The following ETV4 variants were observed in gnomAD, a reference collection of about 807,000 sequenced individuals.
ETV4 encodes the protein ETS variant transcription factor 4.
In ETV4, 42 loss-of-function variants were observed where a neutral mutation model predicts 65.9. The observed-to-expected ratio is 0.64, with a 90% CI of 0.50 to 0.82. The LOEUF is 0.82. Ranked by LOEUF, ETV4 falls within the 40% of genes least tolerant of loss-of-function variation. ETV4 has a pLI of 0.00. For missense variants in ETV4, 583 were observed against 630.3 expected (o/e 0.92, Z 0.80); for synonymous variants, 238 against 260.0 (o/e 0.92, Z 0.81).
chr17:43,528,755 GAGA>G lies in ETV4; in HGVS notation c.1231-15_1231-13del, dbSNP rs1188692374. ...CGCTCACCAGCCACCTATGGGGAGA[GAGA>G]AGGTCTGGTCAGCCTGGCTAGCCGC... On this transcript the variant is annotated splice_polypyrimidine_tract_variant and intron_variant, in intron 12 of 12. Transcript: ENST00000319349. 11 of 1,611,540 alleles carry G rather than the reference GAGA, an allele frequency of 6.8e-6. No homozygotes were observed. Among genetic ancestry groups the G allele is most frequent in the Non-Finnish European group, 9.3e-6 (11 of 1,178,008 alleles).
In ETV4 at chr17:43,539,503, TC is replaced by T. The variant is rs199707652; in HGVS notation, c.203-3025del. Among the ~76,000 whole-genome samples the T allele has an allele frequency of 2.5e-3, 381 of 152,330 alleles. 1 individual carries two copies. Among genetic ancestry groups the T allele is most frequent in the African/African-American group, 8.9e-3 (369 of 41,558 alleles). ...ACCTGTTTGTTATCTACCTATCTCC[TC>T]CACCAGGAAGTTAAGCTCTGTGAGG... On this transcript the variant is annotated intron_variant, in intron 4 of 12. Transcript: ENST00000319349.
Position 43,545,586 on chromosome 17 carries a change from T to C in ETV4, c.32A>G (p.Asp11Gly). ...GCTGAAGGTGTAGGGCACTTGCTGG[T>C]CCAAGTATCCGGCTTTCATCCTCCG... MERRMKAGYL[D>G]QQVPYTFSSK... The change falls in exon 2 of 13, where the codon GAC (aspartate) becomes GGC (glycine). Residue 11 changes from aspartate (D) to glycine (G), a missense_variant. Coordinates refer to ENST00000319349, the MANE Select transcript of ETV4 (RefSeq NM_001079675.5). The C allele has an allele frequency of 6.4e-7, 1 of 1,550,510 alleles. No homozygotes were observed. The highest frequency in any genetic ancestry group is 2.4e-5 in the East Asian group (1 of 40,876).
chr17:43,533,653 C>T (rs1971081460), intron 6 of ETV4, among the ~76,000 whole-genome samples: 1 of 152,040 alleles, frequency 6.6e-6, no homozygotes, highest in South Asian at 2.1e-4. Context: ...TCTGCTCTGG[C>T]CTCAGTATAT....
chr17:43,537,730 C>T (rs1474608893), intron 4 of ETV4, among the ~76,000 whole-genome samples: 2 of 151,786 alleles, frequency 1.3e-5, no homozygotes, highest in African/African-American at 2.4e-5. Context: ...CATGGTGGCT[C>T]ATGCCTGTAA....
Position 43,528,458 on chromosome 17 carries a change from G to T in ETV4, c.*61C>A. ...TCAGATGAAGGTTTCCCCAACACCA[G>T]ATTCATTTATATGTACACAGGGCAG... On this transcript the variant is annotated 3_prime_UTR_variant, in exon 13 of 13. Coordinates refer to ENST00000319349, the MANE Select transcript of ETV4 (RefSeq NM_001079675.5). The T allele has an allele frequency of 1.7e-6, 2 of 1,171,014 alleles. No individual in the cohort carries two copies. The highest frequency in any genetic ancestry group is 2.5e-5 in the Admixed American group (1 of 39,964). 72.5% of individuals were successfully genotyped at this position (1,171,014 alleles called of 1,614,324 possible). A position where few individuals can be genotyped will look rare whatever the true frequency, so the allele number is the denominator to read the frequency against.
chr17:43,538,876 A>G (rs1006377163), intron 4 of ETV4, among the ~76,000 whole-genome samples: 3 of 152,160 alleles, frequency 2.0e-5, no homozygotes, highest in African/African-American at 7.2e-5. Context: ...GAAACTGATA[A>G]AATGCCCAGA....
chr17:43,538,215 G>A (rs183824817), intron 4 of ETV4, among the ~76,000 whole-genome samples: 67 of 152,028 alleles, frequency 4.4e-4, no homozygotes, highest in Admixed American at 3.5e-3. Flanking sequence ...GCTGAGACAG[G>A]AGAATAACTT....
chr17:43,529,078 T>C, intron 12 of ETV4, 57 bp downstream of exon 12: 1 of 1,526,210 alleles, frequency 6.6e-7, no homozygotes, highest in Non-Finnish European at 9.1e-7. Flanking sequence ...CTCTCCCCAG[T>C]CAGCTTCTCA....
chr17:43,540,383 G>T lies in ETV4; in HGVS notation c.203-3904C>A, dbSNP rs541894183. Among the ~76,000 whole-genome samples, 471 of 152,306 alleles carry T rather than the reference G, an allele frequency of 3.1e-3. 2 individuals are homozygous for T. The highest frequency in any genetic ancestry group is 4.2e-3 in the Non-Finnish European group (286 of 68,026). ...CAGGAGAATCGCTTGAACCCAGGAG[G>T]TGGAGGTTGCAGTGAGCCAAGATAG... On this transcript the variant is annotated intron_variant, in intron 4 of 12. Transcript: ENST00000319349.
At position 43,532,962 on chromosome 17, in the gene ETV4, G is replaced by A. The variant is rs775288406; in HGVS notation, c.546-23C>T. 4.5e-6 allele frequency: 7 copies of A among 1,539,652 alleles called. No homozygotes were observed. In the Admixed American group the frequency reaches 1.0e-4, roughly 23 times the overall value. ...GAGCTGGATGTGGTTGGATGGAGAA[G>A]GAAGAGAAGAGAACTTTAAATTAAT... is the stretch of plus-strand genomic sequence containing the variant. On this transcript the variant is annotated intron_variant, in intron 7 of 12. Transcript: ENST00000319349.
rs776536986 is a variant in ETV4 at position 43,544,966 on chromosome 17, AC to A, written c.202+8del. 4.3e-6 allele frequency: 7 copies of A among 1,613,712 alleles called. No individual in the cohort carries two copies. The South Asian group carries it at 7.7e-5, about 18-fold the overall frequency. ...CTCCCAAAATAGAAAAGGTCACAAA[AC>A]TACTCACCTTCAGCGAGCCACGTCT... On this transcript the variant is annotated splice_region_variant and intron_variant, in intron 4 of 12. Coordinates refer to ENST00000319349, the MANE Select transcript of ETV4 (RefSeq NM_001079675.5).
At chr17:43,535,237 G>A (rs564686463) in intron 5 of ETV4, among the ~76,000 whole-genome samples, 2 of 152,178 alleles carry the variant, frequency 1.3e-5, no homozygotes, top group Admixed American at 6.6e-5. Flanking sequence ...GGTGAAGACA[G>A]TTGACAGCAA....
chr17:43,532,653 T>G (rs1470349982), intron 8 of ETV4, 21 bp downstream of exon 8: 1 of 1,600,868 alleles, frequency 6.2e-7, no homozygotes, highest in African/African-American at 1.3e-5. Context: ...CATGCCACCC[T>G]GCCCCACCCC....
At chr17:43,545,730 G>A (rs190884995) in intron 1 of ETV4, 62 bp from the exon 2 acceptor site, 4 of 862,210 alleles carry the variant, frequency 4.6e-6, no homozygotes, top group Non-Finnish European at 7.3e-6. Flanking sequence ...GGGGCGGGGA[G>A]GGGGCAGTCC....
rs978971468 is a variant in ETV4 at position 43,545,627 on chromosome 17, C to T, written c.-10G>A. On this transcript the variant is annotated 5_prime_UTR_variant, in exon 2 of 13. Transcript: ENST00000319349. ...TCATCCTCCGCTCCATCCGGCCGCT[C>T]CCTCCGGCCGCACGGCCGGGGCCCC... 20 of 1,550,296 alleles carry T rather than the reference C, an allele frequency of 1.3e-5. No individual in the cohort carries two copies. Among genetic ancestry groups the T allele is most frequent in the Non-Finnish European group, 1.6e-5 (18 of 1,146,804 alleles).
chr17:43,544,834 G>C (rs1424153552), intron 4 of ETV4, 141 bp downstream of exon 4: 2 of 728,560 alleles, frequency 2.7e-6, no homozygotes, highest in South Asian at 3.2e-5. Flanking sequence ...AGTGGCAAGG[G>C]ACCTGGGGAG....
chr17:43,532,963 G>A lies in ETV4; in HGVS notation c.546-24C>T, dbSNP rs762624861. ...AGCTGGATGTGGTTGGATGGAGAAG[G>A]AAGAGAAGAGAACTTTAAATTAATC... On this transcript the variant is annotated intron_variant, in intron 7 of 12. Transcript: ENST00000319349. 141 of 1,537,752 alleles carry A rather than the reference G, an allele frequency of 9.2e-5. 1 individual carries two copies. Among genetic ancestry groups the A allele is most frequent in the Middle Eastern group, 5.3e-4 (3 of 5,710 alleles).
intron 4 of ETV4, among the ~76,000 whole-genome samples, chr17:43,536,930 A>G (rs776645109): frequency 2.6e-5 from 4 of 152,142 alleles, no homozygotes; most frequent in Admixed American, 6.6e-5. Context: ...CTTCTTCTAG[A>G]TGCTTTGTCT....
At chr17:43,545,790 G>T (rs1971793399) in intron 1 of ETV4, 122 bp from the exon 2 acceptor site, 1 of 622,342 alleles carries the variant, frequency 1.6e-6, no homozygotes, top group South Asian at 2.0e-5. Context: ...TGGGGCGATG[G>T]CGAGGTTTCC....
Sources: gnomAD v4.1 joint callset for allele counts (sites outside exome capture counted in the v4.1 genomes callset) on GRCh38, gnomAD v4.1.1 for gene constraint, MANE v1.5 for transcripts, NCBI Gene and HGNC (gene_info 2026-07-23, HGNC 2026-07-21) for gene names.